The following CSGALNACT1 variants were observed in gnomAD, a reference collection of about 807,000 sequenced individuals.
The protein encoded by CSGALNACT1 is beta4GalNAcT-1.
In CSGALNACT1, 52 loss-of-function variants were observed where a neutral mutation model predicts 51.0. The ratio of observed to expected loss-of-function variants is 1.02; its 90% CI spans 0.82 to 1.29. CSGALNACT1 has a LOEUF of 1.29. CSGALNACT1 is among the 50% of genes most tolerant of loss of function. CSGALNACT1 has a pLI of 0.00. For missense variants in CSGALNACT1, 935 were observed against 679.2 expected, an observed-to-expected ratio of 1.38 and a Z score of -4.19; for synonymous variants, 341 against 254.4, an observed-to-expected ratio of 1.34 and a Z score of -3.24.
At chr8:19,498,452 G>T (rs2075852287) in intron 4 of CSGALNACT1, among the ~76,000 whole-genome samples, 1 of 152,160 alleles carries the variant, frequency 6.6e-6, no homozygotes, top group East Asian at 1.9e-4. Flanking sequence ...CATACTAATG[G>T]GGAGGCACCA....
intron 3 of CSGALNACT1, among the ~76,000 whole-genome samples, chr8:19,559,419 C>A (rs1000155524): frequency 6.6e-6 from 1 of 152,090 alleles, no homozygotes; most frequent in Admixed American, 6.5e-5. Flanking sequence ...AGAAGCAAGA[C>A]AAAGATGCCT....
intron 1 of CSGALNACT1, among the ~76,000 whole-genome samples, chr8:19,658,159 G>A (rs1306052575): frequency 6.7e-6 from 1 of 150,090 alleles, no homozygotes; most frequent in Non-Finnish European, 1.5e-5. Context: ...AGGGCTAGAT[G>A]AGGTCATGAG....
Position 19,757,330 on chromosome 8 carries a change from AGCG to A in CSGALNACT1, c.-297+517_-297+519del, listed in dbSNP as rs1248735296. The A allele has an allele frequency of 3.3e-5, 5 of 150,562 alleles. No individual in the cohort carries two copies. The highest frequency in any genetic ancestry group is 1.8e-4 in the South Asian group (1 of 5,654). 9.3% of individuals were successfully genotyped at this position (150,562 alleles called of 1,614,324 possible). A position where few individuals can be genotyped will look rare whatever the true frequency, so the allele number is the denominator to read the frequency against. ...TCCAGGGACCCCGGGGGCGGGGAGC[AGCG>A]GCGGCGGCGGCGGCTCGGGCGGGCG... is the stretch of plus-strand genomic sequence containing the variant. On this transcript the variant is annotated intron_variant, in intron 1 of 1. Coordinates refer to the CSGALNACT1 transcript ENST00000517494. The surrounding 1 kb of genome is among the most constrained non-coding windows in gnomAD (Gnocchi z 4.0).
At chr8:19,623,681 A>G (rs1011048738) in intron 1 of CSGALNACT1, among the ~76,000 whole-genome samples, 1 of 152,242 alleles carries the variant, frequency 6.6e-6, no homozygotes, top group Non-Finnish European at 1.5e-5. Context: ...TAACAGAAAG[A>G]TGACTGGAAA....
intron 1 of CSGALNACT1, among the ~76,000 whole-genome samples, chr8:19,728,077 G>T (rs1424498108): frequency 6.6e-6 from 1 of 152,096 alleles, no homozygotes; most frequent in East Asian, 1.9e-4. Context: ...GGACCAGGCT[G>T]CCAGGGCTTA....
intron 4 of CSGALNACT1, among the ~76,000 whole-genome samples, chr8:19,502,903 G>T (rs1460250153): frequency 2.0e-5 from 3 of 152,022 alleles, no homozygotes; most frequent in African/African-American, 7.2e-5. Context: ...ATAACCACCT[G>T]GTCAAATGGT....
intron 3 of CSGALNACT1, among the ~76,000 whole-genome samples, chr8:19,579,568 G>T (rs751951667): frequency 1.3e-5 from 2 of 152,134 alleles, no homozygotes; most frequent in African/African-American, 2.4e-5. Flanking sequence ...AGATAGAGAC[G>T]GACACATAGG....
At chr8:19,627,422 T>C (rs1445748734) in intron 1 of CSGALNACT1, among the ~76,000 whole-genome samples, 8 of 152,124 alleles carry the variant, frequency 5.3e-5, no homozygotes, top group Non-Finnish European at 1.2e-4. Flanking sequence ...ACAAGGAAGT[T>C]AGTTCCTGGA....
chr8:19,424,609 G>C (rs2058489130), intron 6 of CSGALNACT1, among the ~76,000 whole-genome samples: 1 of 152,204 alleles, frequency 6.6e-6, no homozygotes, highest in South Asian at 2.1e-4. Context: ...CTCTAGAACA[G>C]GATATGACAA....
Position 19,597,285 on chromosome 8 carries a change from C to CTTTTTTTTTTTTTTTTTT in CSGALNACT1, c.-416+4468_-416+4485dup, listed in dbSNP as rs35177349. On this transcript the variant is annotated intron_variant, in intron 2 of 9. Coordinates refer to ENST00000454498, the Ensembl canonical transcript of CSGALNACT1. ...GGTTGGGGCTGCCTCTATCTTCTTT[C>CTTTTTTTTTTTTTTTTTT]TTTTTTTTTTTTTTTTTTTTTTTTT... is the stretch of plus-strand genomic sequence containing the variant. 1.3e-3 allele frequency among the ~76,000 whole-genome samples: 86 copies of CTTTTTTTTTTTTTTTTTT among 64,562 alleles called. 5 individuals are homozygous for CTTTTTTTTTTTTTTTTTT. The highest frequency in any genetic ancestry group is 5.5e-3 in the African/African-American group (79 of 14,412). 42.4% of individuals were successfully genotyped at this position (64,562 alleles called of 152,430 possible).
chr8:19,520,998 T>C (rs991345798), intron 3 of CSGALNACT1, among the ~76,000 whole-genome samples: 1 of 152,144 alleles, frequency 6.6e-6, no homozygotes, highest in African/African-American at 2.4e-5. Flanking sequence ...AAAGCACTGA[T>C]AGGTTAATCT....
At chr8:19,657,796 G>T (rs951364545) in intron 1 of CSGALNACT1, among the ~76,000 whole-genome samples, 1 of 152,034 alleles carries the variant, frequency 6.6e-6, no homozygotes, top group South Asian at 2.1e-4. Flanking sequence ...AAATTATATG[G>T]GTTTTTATAG....
intron 3 of CSGALNACT1, among the ~76,000 whole-genome samples, chr8:19,521,406 G>A (rs915017729): frequency 2.4e-4 from 36 of 152,212 alleles, no homozygotes; most frequent in African/African-American, 6.5e-4. Context: ...CCAGGGGGCC[G>A]GCACGGTGAC....
intron 3 of CSGALNACT1, among the ~76,000 whole-genome samples, chr8:19,543,372 C>T (rs896203182): frequency 6.6e-6 from 1 of 152,190 alleles, no homozygotes; most frequent in Non-Finnish European, 1.5e-5. Context: ...AAGATCCGCC[C>T]TTGACAATGT....
chr8:19,498,074 C>A (rs1405652379), intron 4 of CSGALNACT1, among the ~76,000 whole-genome samples: 9 of 152,186 alleles, frequency 5.9e-5, no homozygotes, highest in Non-Finnish European at 1.0e-4. Context: ...ATCAGAACCT[C>A]CTCAGGCTGT....
chr8:19,687,642 G>A (rs1173211148), intron 1 of CSGALNACT1, among the ~76,000 whole-genome samples: 1 of 152,152 alleles, frequency 6.6e-6, no homozygotes, highest in Non-Finnish European at 1.5e-5. Flanking sequence ...TCACATGTCA[G>A]AGAAAATTTG....
intron 1 of CSGALNACT1, among the ~76,000 whole-genome samples, chr8:19,630,093 A>T (rs2055011344): frequency 6.6e-6 from 1 of 152,124 alleles, no homozygotes; most frequent in Admixed American, 6.6e-5. Context: ...CATCCAGGCC[A>T]ACACGGGCCG....
intron 1 of CSGALNACT1, among the ~76,000 whole-genome samples, chr8:19,728,227 A>C (rs2063507243): frequency 6.6e-6 from 1 of 152,062 alleles, no homozygotes; most frequent in Non-Finnish European, 1.5e-5. Context: ...TCTAACTGTG[A>C]CTCACACAAA....
At chr8:19,534,178 G>A (rs916175638) in intron 3 of CSGALNACT1, among the ~76,000 whole-genome samples, 8 of 152,166 alleles carry the variant, frequency 5.3e-5, no homozygotes, top group African/African-American at 1.7e-4. Context: ...GAGGCCGGGT[G>A]TGGTGGTTCA....
Sources: gnomAD v4.1 joint callset for allele counts (sites outside exome capture counted in the v4.1 genomes callset) on GRCh38, gnomAD v4.1.1 for gene constraint, Gnocchi (gnomAD v3.1) non-coding constraint, MANE v1.5 for transcripts, NCBI Gene and HGNC (gene_info 2026-07-23, HGNC 2026-07-21) for gene names.